The following FUBP1 variants were observed in gnomAD, a reference collection of about 807,000 sequenced individuals.
FUBP1 encodes the protein far upstream element binding protein 1.
Under a neutral mutation model 94.9 loss-of-function variants are expected in FUBP1, and 16 were observed. That is an observed-to-expected ratio of 0.17 (90% CI 0.11 to 0.26). The LOEUF (loss-of-function observed/expected upper bound fraction) is 0.26. Among genes scored for constraint, FUBP1 ranks in the 10% least tolerant of loss-of-function variants. The pLI is 1.00. For missense variants in FUBP1, 583 were observed against 808.6 expected, an observed-to-expected ratio of 0.72 and a Z score of 3.38; for synonymous variants, 279 against 254.9, an observed-to-expected ratio of 1.09 and a Z score of -0.90.
At position 77,965,892 on chromosome 1, in the gene FUBP1, T is replaced by C. The variant is rs551051939; in HGVS notation, c.474-661A>G. Among the ~76,000 whole-genome samples, 56 of 152,078 alleles carry C rather than the reference T, an allele frequency of 3.7e-4. 1 individual carries two copies. Among genetic ancestry groups the C allele is most frequent in the Non-Finnish European group, 6.2e-4 (42 of 67,988 alleles). ...TGAAACCCTGTCTCTACTAAAAAAA[T>C]ACAAAAATTAGCTGGGTGTGGTGGC... On this transcript the variant is annotated intron_variant, in intron 7 of 19. Transcript: ENST00000370768.
chr1:77,969,072 G>T (rs771813420), intron 2 of FUBP1: 139 of 1,268,778 alleles, frequency 1.1e-4, no homozygotes, highest in Non-Finnish European at 1.4e-4. Flanking sequence ...GCTCGGACTT[G>T]TCCAAGAGCC....
chr1:77,945,859 T>C lies in FUBP1; in HGVS notation c.*2907A>G, dbSNP rs1345948901. The C allele has an allele frequency of 9.5e-6, 2 of 210,116 alleles. No homozygotes were observed. The highest frequency in any genetic ancestry group is 1.9e-5 in the Non-Finnish European group (2 of 103,516). The allele number at this position is 210,116 out of a possible 1,614,324, so 13.0% of individuals were successfully genotyped here. On this transcript the variant is annotated 3_prime_UTR_variant, in exon 20 of 20. Coordinates refer to ENST00000370768, the MANE Select transcript of FUBP1 (RefSeq NM_003902.5). ...ACTGGCAAAAAAATTAAATGCAGCG[T>C]CAGTTATTAAAATATTATTAAATCA... is the stretch of plus-strand genomic sequence containing the variant.
chr1:77,973,252 T>C (rs1016866253), intron 1 of FUBP1, among the ~76,000 whole-genome samples: 4 of 152,134 alleles, frequency 2.6e-5, no homozygotes, highest in African/African-American at 9.7e-5. Flanking sequence ...TATTTAATTA[T>C]TATTATTATT....
At chr1:77,972,594 CAAA>C (rs59360608) in intron 1 of FUBP1, among the ~76,000 whole-genome samples, 9 of 122,166 alleles carry the variant, frequency 7.4e-5, no homozygotes, top group African/African-American at 9.3e-5. Flanking sequence ...ACTAAAAATA[CAAA>C]AAAAAAAAAA....
chr1:77,977,269 G>A (rs1056473512), intron 1 of FUBP1, among the ~76,000 whole-genome samples: 1 of 152,132 alleles, frequency 6.6e-6, no homozygotes, highest in Admixed American at 6.5e-5. Flanking sequence ...GCTTTGGGAG[G>A]CCAAGACGGG....
intron 4 of FUBP1, 124 bp downstream of exon 4, chr1:77,967,503 G>A: frequency 2.9e-6 from 2 of 683,698 alleles, no homozygotes; most frequent in East Asian, 5.3e-5. Context: ...CAAGGGGAGT[G>A]ATATGAACTA....
At chr1:77,976,789 G>A (rs957197108) in intron 1 of FUBP1, among the ~76,000 whole-genome samples, 9 of 152,142 alleles carry the variant, frequency 5.9e-5, no homozygotes, top group Non-Finnish European at 2.9e-5. Flanking sequence ...CACCGTACCC[G>A]GCCTGAAATC....
intron 1 of FUBP1, among the ~76,000 whole-genome samples, chr1:77,973,835 A>C (rs1198968168): frequency 1.3e-5 from 2 of 152,172 alleles, no homozygotes; most frequent in Non-Finnish European, 2.9e-5. Flanking sequence ...CATATAACTT[A>C]TTATAGCATA....
At chr1:77,968,015 A>G (rs1656840981) in intron 3 of FUBP1, 150 bp downstream of exon 3, 1 of 559,174 alleles carries the variant, frequency 1.8e-6, no homozygotes, top group Non-Finnish European at 3.1e-6. Flanking sequence ...AAAATAGGAG[A>G]AAAAGGTATA....
At chr1:77,950,546 A>T (rs1653241027) in intron 18 of FUBP1, among the ~76,000 whole-genome samples, 1 of 152,238 alleles carries the variant, frequency 6.6e-6, no homozygotes, top group Non-Finnish European at 1.5e-5. Flanking sequence ...AAGCGCATAC[A>T]GCAAACTTTT....
At chr1:77,979,166 C>T, upstream of FUBP1, 1 of 676,582 alleles carries the variant, frequency 1.5e-6, no homozygotes, top group South Asian at 2.0e-5. Flanking sequence ...GCGATGTTTC[C>T]GAGGCAACGC....
chr1:77,953,939 G>A (rs1435988459), intron 18 of FUBP1, among the ~76,000 whole-genome samples: 1 of 152,074 alleles, frequency 6.6e-6, no homozygotes, highest in African/African-American at 2.4e-5. Context: ...ATAATAACTA[G>A]GGACCCTATC....
intron 1 of FUBP1, among the ~76,000 whole-genome samples, chr1:77,976,435 G>A (rs1658602913): frequency 6.6e-6 from 1 of 152,070 alleles, no homozygotes; most frequent in South Asian, 2.1e-4. Context: ...TTCACAATTT[G>A]CCAACAATTT....
In FUBP1 at chr1:77,970,423, T is replaced by C. The variant is rs79949561; in HGVS notation, c.121-408A>G. Among the ~76,000 whole-genome samples, 591 of 152,368 alleles carry C rather than the reference T, an allele frequency of 3.9e-3. 4 individuals are homozygous for C. The highest frequency in any genetic ancestry group is 0.014 in the African/African-American group (565 of 41,600). On this transcript the variant is annotated intron_variant, in intron 1 of 19. Coordinates refer to ENST00000370768, the MANE Select transcript of FUBP1 (RefSeq NM_003902.5). ...GGTAGCCACTAGCCATATGTGGTTA[T>C]TGAGTACTCAAAATGTGACTAGTCT... is the stretch of plus-strand genomic sequence containing the variant.
At chr1:77,950,231 G>A (rs190518947) in intron 18 of FUBP1, among the ~76,000 whole-genome samples, 103 of 152,292 alleles carry the variant, frequency 6.8e-4, no homozygotes, top group Non-Finnish European at 1.2e-3. Context: ...TGCAATCATG[G>A]CTCACTGCAG....
intron 14 of FUBP1, 31 bp downstream of exon 14, chr1:77,962,739 A>G (rs772656698): frequency 1.3e-6 from 2 of 1,498,142 alleles, no homozygotes; most frequent in Non-Finnish European, 1.8e-6. Context: ...AAGGGTCTAC[A>G]CTAAAAATTA....
At chr1:77,954,434 A>C (rs1166509729) in intron 18 of FUBP1, among the ~76,000 whole-genome samples, 1 of 152,218 alleles carries the variant, frequency 6.6e-6, no homozygotes, top group East Asian at 1.9e-4. Flanking sequence ...AAGAGGAAAA[A>C]CAATTTTTCT....
At chr1:77,960,291 A>C in intron 15 of FUBP1, 28 bp from the exon 16 acceptor site, 1 of 1,612,252 alleles carries the variant, frequency 6.2e-7, no homozygotes. Context: ...CATAAAAAAC[A>C]GTCCCAAAAC....
At chr1:77,965,492 CTAA>C (rs1266892990) in intron 7 of FUBP1, among the ~76,000 whole-genome samples, 1 of 152,132 alleles carries the variant, frequency 6.6e-6, no homozygotes, top group African/African-American at 2.4e-5. Context: ...AGAAAGAACT[CTAA>C]TGCTAAAGTT....
Sources: allele counts gnomAD v4.1 joint callset (sites outside exome capture counted in the v4.1 genomes callset), GRCh38; gene constraint gnomAD v4.1.1; transcripts MANE v1.5; gene names NCBI Gene and HGNC (gene_info 2026-07-23, HGNC 2026-07-21).